Variants in RBFOX1 observed in about 807,000 individuals in gnomAD.
RBFOX1 encodes the protein RNA binding protein fox-1 homolog 1.
A neutral mutation model predicts 57.7 loss-of-function variants in RBFOX1; 8 were observed. The ratio of observed to expected loss-of-function variants is 0.14; its 90% CI spans 0.08 to 0.25. RBFOX1 has a LOEUF of 0.25. RBFOX1 is among the 10% of genes least tolerant of loss of function. RBFOX1 has a pLI of 1.00. For missense variants in RBFOX1, 611 were observed against 548.5 expected (o/e 1.11, Z -1.14); for synonymous variants, 326 against 222.4 (o/e 1.47, Z -4.15).
At chr16:7,698,037 G>C (rs1200296511) in intron 14 of RBFOX1, among the ~76,000 whole-genome samples, 1 of 152,148 alleles carries the variant, frequency 6.6e-6, no homozygotes, top group Non-Finnish European at 1.5e-5. Context: ...AGGGAAGAGA[G>C]GGTTAAACAG....
At chr16:5,547,382 A>G (rs1465366421) in intron 2 of RBFOX1, among the ~76,000 whole-genome samples, 3 of 152,220 alleles carry the variant, frequency 2.0e-5, no homozygotes, top group African/African-American at 7.2e-5. Context: ...GAATGTAGAA[A>G]ACAATTTGTG....
chr16:6,744,806 A>G (rs1603501161), intron 3 of RBFOX1, among the ~76,000 whole-genome samples: 1 of 152,112 alleles, frequency 6.6e-6, no homozygotes, highest in Admixed American at 6.5e-5. Context: ...AAGGTGAACT[A>G]AATTAAGTAG....
intron 2 of RBFOX1, among the ~76,000 whole-genome samples, chr16:6,404,572 T>A (rs1270510033): frequency 1.3e-5 from 2 of 152,220 alleles, no homozygotes; most frequent in African/African-American, 4.8e-5. Flanking sequence ...TTATTAGTTT[T>A]TGATCCTTTT....
chr16:5,304,695 C>G (rs907408730), intron 1 of RBFOX1, among the ~76,000 whole-genome samples: 7 of 152,064 alleles, frequency 4.6e-5, no homozygotes, highest in Admixed American at 4.6e-4. Context: ...GCAGGGAAGA[C>G]AGAAGAAATA....
chr16:5,302,338 T>G (rs2063825890), intron 1 of RBFOX1, among the ~76,000 whole-genome samples: 1 of 152,202 alleles, frequency 6.6e-6, no homozygotes, highest in Non-Finnish European at 1.5e-5. Context: ...GAGACTAGCT[T>G]TATGGAGCAG....
intron 3 of RBFOX1, among the ~76,000 whole-genome samples, chr16:5,843,944 T>G (rs1223023637): frequency 6.6e-6 from 1 of 152,178 alleles, no homozygotes; most frequent in African/African-American, 2.4e-5. Context: ...ATCAGAAAAG[T>G]CAGAAGAGTT....
At chr16:6,844,053 TTC>T (rs1485722830) in intron 3 of RBFOX1, among the ~76,000 whole-genome samples, 8 of 151,998 alleles carry the variant, frequency 5.3e-5, no homozygotes, top group African/African-American at 1.7e-4. Context: ...CTCTCTCTCT[TTC>T]TCTGTCTCTC....
At chr16:5,788,364 C>T (rs1393057803) in intron 3 of RBFOX1, among the ~76,000 whole-genome samples, 1 of 152,092 alleles carries the variant, frequency 6.6e-6, no homozygotes, top group Non-Finnish European at 1.5e-5. Context: ...CGTGGTGGCT[C>T]ACACCTGTAA....
intron 4 of RBFOX1, among the ~76,000 whole-genome samples, chr16:5,965,699 C>G (rs535982412): frequency 6.6e-6 from 1 of 152,284 alleles, no homozygotes; most frequent in African/African-American, 2.4e-5. Context: ...CCTGCCTCAT[C>G]TCTGACTTAA....
chr16:7,185,783 C>T (rs570085280), intron 4 of RBFOX1, among the ~76,000 whole-genome samples: 1 of 152,304 alleles, frequency 6.6e-6, no homozygotes, highest in African/African-American at 2.4e-5. Context: ...AGTCTTTACA[C>T]TGGCATATGA....
chr16:7,251,410 T>C (rs548567529), intron 4 of RBFOX1, among the ~76,000 whole-genome samples: 1 of 146,808 alleles, frequency 6.8e-6, no homozygotes, highest in East Asian at 2.1e-4. Flanking sequence ...TGTCCGTTTT[T>C]TTTTTTTTTT....
intron 4 of RBFOX1, chr16:7,126,789 G>T (rs1271355133): frequency 6.6e-6 from 1 of 152,080 alleles, no homozygotes; most frequent in East Asian, 1.9e-4. Flanking sequence ...GGGAGTTTGA[G>T]ATCAGCCAAA....
intron 1 of RBFOX1, among the ~76,000 whole-genome samples, chr16:6,314,497 A>T (rs1036694924): frequency 1.3e-5 from 2 of 152,168 alleles, no homozygotes; most frequent in Non-Finnish European, 2.9e-5. Context: ...AAGACTCCAG[A>T]CCTTCCATGA....
chr16:5,479,969 G>C (rs2069468386), intron 2 of RBFOX1, among the ~76,000 whole-genome samples: 1 of 152,076 alleles, frequency 6.6e-6, no homozygotes. Context: ...CTCCAGCCCA[G>C]CCCACAGGAG....
chr16:7,695,881 C>G (rs780924636), intron 14 of RBFOX1, among the ~76,000 whole-genome samples: 11 of 152,000 alleles, frequency 7.2e-5, no homozygotes, highest in Non-Finnish European at 1.2e-4. Flanking sequence ...GATGTTATAA[C>G]TGAAATTCTT....
At chr16:6,713,005 T>G (rs2064013925) in intron 3 of RBFOX1, among the ~76,000 whole-genome samples, 1 of 149,466 alleles carries the variant, frequency 6.7e-6, no homozygotes, top group Admixed American at 6.8e-5. Context: ...TGCCGCCATG[T>G]AAGACCTGCC....
At chr16:6,119,517 T>C (rs1204178658) in intron 1 of RBFOX1, among the ~76,000 whole-genome samples, 1 of 152,258 alleles carries the variant, frequency 6.6e-6, no homozygotes, top group African/African-American at 2.4e-5. Flanking sequence ...GATGGCCCAA[T>C]GGTGATTTTC....
At chr16:7,671,433 G>T (rs756374481) in intron 13 of RBFOX1, 95 of 872,192 alleles carry the variant, frequency 1.1e-4, no homozygotes, top group Middle Eastern at 1.0e-3. Context: ...CAGTCCCAAG[G>T]CTTGGTGAAG....
chr16:6,877,781 G>T (rs8057662), intron 3 of RBFOX1, among the ~76,000 whole-genome samples: 1 of 151,660 alleles, frequency 6.6e-6, no homozygotes, highest in Non-Finnish European at 1.5e-5. Context: ...TTGCTTTAAC[G>T]CATGCAGTTA....
Sources: gnomAD v4.1 joint callset for allele counts (sites outside exome capture counted in the v4.1 genomes callset) on GRCh38, gnomAD v4.1.1 for gene constraint, MANE v1.5 for transcripts, NCBI Gene and HGNC (gene_info 2026-07-23, HGNC 2026-07-21) for gene names.